The following CCDC146 variants were observed in gnomAD, a reference collection of about 807,000 sequenced individuals.
CCDC146 encodes the protein coiled-coil domain containing 146.
CCDC146 carries 92 observed loss-of-function variants against 119.3 expected under a neutral mutation model. The ratio of observed to expected loss-of-function variants is 0.77; its 90% CI spans 0.65 to 0.92. CCDC146 has a LOEUF of 0.92. Ranked by LOEUF, CCDC146 falls within the 40% of genes least tolerant of loss-of-function variation. The pLI is 0.00. For missense variants in CCDC146, 1,000 were observed against 1,103.0 expected (o/e 0.91, Z 1.32); for synonymous variants, 372 against 371.8 (o/e 1.00, Z -0.01).
chr7:77,173,502 G>T (rs1196724099), intron 2 of CCDC146, among the ~76,000 whole-genome samples: 1 of 151,932 alleles, frequency 6.6e-6, no homozygotes, highest in African/African-American at 2.4e-5. Flanking sequence ...GGTGGTGCAT[G>T]CCTGTAATCC....
chr7:77,123,406 GT>G (rs1562808251), intron 1 of CCDC146, among the ~76,000 whole-genome samples: 2,684 of 27,178 alleles, frequency 0.099, no homozygotes, highest in South Asian at 0.11. Context: ...CCTATAAGGT[GT>G]GTGTGTGTGT....
chr7:77,250,973 TTG>T (rs58026945), intron 4 of CCDC146, among the ~76,000 whole-genome samples: 24,685 of 114,108 alleles, frequency 0.22, 2,187 homozygotes, highest in South Asian at 0.25. Context: ...TCTCTGGTAT[TTG>T]TGTGTGTGTG....
intron 1 of CCDC146, among the ~76,000 whole-genome samples, chr7:77,139,810 A>T (rs1474607967): frequency 6.6e-6 from 1 of 152,016 alleles, no homozygotes; most frequent in South Asian, 2.1e-4. Flanking sequence ...ACTAAAATGA[A>T]ATTTTACAAA....
chr7:77,273,828 C>A, intron 10 of CCDC146, 39 bp downstream of exon 10: 2 of 1,340,876 alleles, frequency 1.5e-6, no homozygotes, highest in Non-Finnish European at 2.1e-6. Context: ...ATCTAAGAAG[C>A]GTTCATACAA....
At chr7:77,124,335 A>G (rs539638373) in intron 1 of CCDC146, among the ~76,000 whole-genome samples, 85 of 152,350 alleles carry the variant, frequency 5.6e-4, no homozygotes, top group African/African-American at 2.0e-3. Flanking sequence ...ACACTTAAAA[A>G]CAGTATAATG....
intron 1 of CCDC146, among the ~76,000 whole-genome samples, chr7:77,148,537 C>T (rs1452509655): frequency 6.6e-6 from 1 of 151,910 alleles, no homozygotes; most frequent in African/African-American, 2.4e-5. Context: ...TGTTCCTATT[C>T]AGCCATCTTG....
chr7:77,173,930 T>C (rs1461708272), intron 2 of CCDC146, among the ~76,000 whole-genome samples: 1 of 152,212 alleles, frequency 6.6e-6, no homozygotes, highest in African/African-American at 2.4e-5. Flanking sequence ...GTCATTCTTC[T>C]CCCAATCGTC....
At chr7:77,287,243 G>C (rs1279754810) in intron 16 of CCDC146, 197 bp from the exon 17 acceptor site, 1 of 611,606 alleles carries the variant, frequency 1.6e-6, no homozygotes, top group Non-Finnish European at 2.9e-6. Flanking sequence ...GTGGATGTTA[G>C]ATAGAGCTGA....
chr7:77,290,884 AG>A (rs1793931313), intron 17 of CCDC146, among the ~76,000 whole-genome samples: 1 of 152,236 alleles, frequency 6.6e-6, no homozygotes, highest in African/African-American at 2.4e-5. Context: ...ATGCTCTGTT[AG>A]GAGAGGAAGG....
intron 17 of CCDC146, among the ~76,000 whole-genome samples, chr7:77,289,616 A>T (rs1427567132): frequency 6.6e-6 from 1 of 152,214 alleles, no homozygotes; most frequent in East Asian, 1.9e-4. Context: ...AAGTTGTTGC[A>T]AGTATTACAT....
chr7:77,137,016 A>G (rs1262400043), intron 1 of CCDC146, among the ~76,000 whole-genome samples: 2 of 152,214 alleles, frequency 1.3e-5, no homozygotes, highest in Non-Finnish European at 2.9e-5. Flanking sequence ...GACCATATCA[A>G]TAGATGCAGA....
intron 3 of CCDC146, among the ~76,000 whole-genome samples, chr7:77,239,459 T>A (rs1323237169): frequency 6.6e-6 from 1 of 152,248 alleles, no homozygotes; most frequent in Non-Finnish European, 1.5e-5. Context: ...TAGATGCTAT[T>A]GAGCAAATGA....
intron 11 of CCDC146, among the ~76,000 whole-genome samples, chr7:77,275,522 C>T: frequency 6.6e-6 from 1 of 152,120 alleles, no homozygotes; most frequent in East Asian, 1.9e-4. Flanking sequence ...TGGGTGCCTC[C>T]AGTGGACAGG....
chr7:77,159,606 T>C (rs1228148937), intron 1 of CCDC146, among the ~76,000 whole-genome samples: 3 of 152,234 alleles, frequency 2.0e-5, no homozygotes, highest in Non-Finnish European at 1.5e-5. Flanking sequence ...GGAGTGCCAA[T>C]ATCGCTTCGA....
At chr7:77,260,795 T>C (rs1200516277) in intron 8 of CCDC146, among the ~76,000 whole-genome samples, 2 of 178 alleles carry the variant, frequency 0.011, no homozygotes, top group Non-Finnish European at 0.024. Flanking sequence ...CCCGGCTAAT[T>C]TTTTTTTTTC....
chr7:77,222,397 G>T (rs1169996395), intron 2 of CCDC146, among the ~76,000 whole-genome samples: 3 of 152,218 alleles, frequency 2.0e-5, no homozygotes, highest in Non-Finnish European at 1.5e-5. Flanking sequence ...AAACATGAAG[G>T]TGGGGCACCA....
chr7:77,216,909 A>T lies in CCDC146; in HGVS notation c.157-20038A>T, dbSNP rs372707765. 2.6e-5 allele frequency among the ~76,000 whole-genome samples: 4 copies of T among 152,298 alleles called. No individual in the cohort carries two copies. In the East Asian group the frequency reaches 7.7e-4, roughly 29 times the overall value. ...GAATGTTTCCTGTTTTGCAGCCCTA[A>T]CAACATTTAGCTGACCAACACATTT... On this transcript the variant is annotated intron_variant, in intron 2 of 18. Transcript: ENST00000285871.
chr7:77,288,341 T>C (rs983073205), intron 17 of CCDC146, among the ~76,000 whole-genome samples: 4 of 152,232 alleles, frequency 2.6e-5, no homozygotes, highest in Admixed American at 6.5e-5. Flanking sequence ...GAGGTTTATT[T>C]TGGCTCATGG....
At chr7:77,218,213 A>G (rs1186077900) in intron 2 of CCDC146, among the ~76,000 whole-genome samples, 1 of 152,054 alleles carries the variant, frequency 6.6e-6, no homozygotes, top group East Asian at 1.9e-4. Context: ...ACATGACTGT[A>G]TGTAGGTATG....
Sources: gnomAD v4.1 joint callset for allele counts (sites outside exome capture counted in the v4.1 genomes callset) on GRCh38, gnomAD v4.1.1 for gene constraint, MANE v1.5 for transcripts, NCBI Gene and HGNC (gene_info 2026-07-23, HGNC 2026-07-21) for gene names.